TMOD1: variants seen among roughly 807,000 people sequenced by gnomAD.
TMOD1 encodes tropomodulin 1.
A neutral mutation model predicts 40.6 loss-of-function variants in TMOD1; 17 were observed. The ratio of observed to expected loss-of-function variants is 0.42; its 90% confidence interval spans 0.29 to 0.63. The LOEUF is 0.63. Ranked by LOEUF, TMOD1 falls within the 20% of genes least tolerant of loss-of-function variation. The probability of loss-of-function intolerance (pLI) is 0.22; values close to 1 mark genes in which losing one functional copy is unlikely to be tolerated. For synonymous variants in TMOD1, 181 were observed against 175.0 expected, an observed-to-expected ratio of 1.03 and a Z score of -0.27; for missense variants, 391 against 447.6, an observed-to-expected ratio of 0.87 and a Z score of 1.14.
At chr9:97,540,269 A>G (rs1413727115) in intron 2 of TMOD1, among the ~76,000 whole-genome samples, 1 of 152,210 alleles carries the variant, frequency 6.6e-6, no homozygotes, top group East Asian at 1.9e-4. Context: ...GTCCCAGATC[A>G]GGGTCTTGAG....
At chr9:97,509,502 T>G (rs192690948) in intron 1 of TMOD1, among the ~76,000 whole-genome samples, 12 of 141,968 alleles carry the variant, frequency 8.5e-5, no homozygotes, top group Admixed American at 8.1e-4. Context: ...TAATAGAGGT[T>G]TTTTTTTTTG....
chr9:97,517,423 T>C (rs762886749), intron 1 of TMOD1, among the ~76,000 whole-genome samples: 4 of 152,080 alleles, frequency 2.6e-5, no homozygotes, highest in Admixed American at 6.5e-5. Context: ...AAGTCTATGC[T>C]GACCCCAAGG....
intron 4 of TMOD1, chr9:97,555,553 C>T (rs559503826): frequency 4.6e-5 from 69 of 1,503,894 alleles, no homozygotes; most frequent in Admixed American, 9.4e-5. Context: ...AATATGCTGC[C>T]GAAGTCTGGG....
chr9:97,573,122 C>T (rs1005938672), intron 8 of TMOD1, among the ~76,000 whole-genome samples: 1 of 152,192 alleles, frequency 6.6e-6, no homozygotes, highest in African/African-American at 2.4e-5. Context: ...ATGGGAGAAA[C>T]CCTGTGGGCC....
chr9:97,580,924 T>C (rs894669524), intron 8 of TMOD1, among the ~76,000 whole-genome samples: 1 of 144,838 alleles, frequency 6.9e-6, no homozygotes, highest in Non-Finnish European at 1.5e-5. Flanking sequence ...TCATATATTA[T>C]GTAACCATTT....
At chr9:97,520,994 A>C (rs1829906578) in intron 1 of TMOD1, among the ~76,000 whole-genome samples, 1 of 152,144 alleles carries the variant, frequency 6.6e-6, no homozygotes, top group Non-Finnish European at 1.5e-5. Context: ...GGCTTTTACT[A>C]TAAAGCATCT....
At chr9:97,546,386 C>A in intron 3 of TMOD1, 45 bp downstream of exon 3, 1 of 1,585,618 alleles carries the variant, frequency 6.3e-7, no homozygotes, top group Non-Finnish European at 8.6e-7. Context: ...CCCCATGCAC[C>A]ATTGAGTGCC....
At chr9:97,518,363 A>C (rs921393218) in intron 1 of TMOD1, among the ~76,000 whole-genome samples, 2 of 152,260 alleles carry the variant, frequency 1.3e-5, no homozygotes, top group Admixed American at 6.5e-5. Flanking sequence ...TCGTCCTCAG[A>C]GCGAGCCAGC....
chr9:97,565,244 C>A (rs1169494452), intron 6 of TMOD1, among the ~76,000 whole-genome samples: 1 of 152,178 alleles, frequency 6.6e-6, no homozygotes, highest in Non-Finnish European at 1.5e-5. Flanking sequence ...GTGGTTTTCA[C>A]CTGAGAAGAT....
At chr9:97,578,321 G>A (rs138420084) in intron 8 of TMOD1, among the ~76,000 whole-genome samples, 3,778 of 152,270 alleles carry the variant, frequency 0.025, 65 homozygotes, top group Non-Finnish European at 0.039. Flanking sequence ...CCAAAGTGCT[G>A]GGATTACAGG....
rs1470426857 is a variant in TMOD1, at chr9:97,502,096, G to T, written c.-49+293G>T. Among the ~76,000 whole-genome samples, 1 of 152,030 alleles carries T rather than the reference G, an allele frequency of 6.6e-6. No individual in the cohort carries two copies. The highest frequency in any genetic ancestry group is 1.5e-5 in the Non-Finnish European group (1 of 67,962). On this transcript the variant is annotated intron_variant, in intron 1 of 9. Coordinates refer to ENST00000259365, the MANE Select transcript of TMOD1 (RefSeq NM_003275.4). This position sits in a 1 kb window ranked among gnomAD's most constrained non-coding sequence, Gnocchi z 6.1. ...GCACCGCGTCTGTGAACGCGAGAAGGACCCGGGGTTCTGGAGGAGACGGCG... is the reference window on the plus strand; with the variant it reads ...GCACCGCGTCTGTGAACGCGAGAAGTACCCGGGGTTCTGGAGGAGACGGCG...
intron 2 of TMOD1, among the ~76,000 whole-genome samples, chr9:97,540,473 C>G (rs1413431523): frequency 6.6e-6 from 1 of 152,162 alleles, no homozygotes; most frequent in Non-Finnish European, 1.5e-5. Flanking sequence ...TCCTTACAGG[C>G]CCTGTCTCCA....
intron 4 of TMOD1, among the ~76,000 whole-genome samples, chr9:97,558,483 G>A (rs562907827): frequency 3.9e-5 from 6 of 152,208 alleles, no homozygotes; most frequent in African/African-American, 1.4e-4. Flanking sequence ...TCACTCTGTT[G>A]CCCAGGCTGG....
At chr9:97,560,336 C>A (rs1830618005) in intron 4 of TMOD1, among the ~76,000 whole-genome samples, 4 of 151,992 alleles carry the variant, frequency 2.6e-5, no homozygotes. Flanking sequence ...AGGAGGAATC[C>A]AGGAAGACTC....
rs1019709063 is a variant in TMOD1, at chr9:97,601,064, C to T, written c.*1366C>T. The T allele has an allele frequency of 6.9e-6, 9 of 1,304,028 alleles. No individual in the cohort carries two copies. The highest frequency in any genetic ancestry group is 1.5e-5 in the African/African-American group (1 of 65,846). 80.8% of individuals were successfully genotyped at this position (1,304,028 alleles called of 1,614,324 possible). Reference sequence around the variant, plus strand: ...CTGAACTGTAAGGCAGTGGGCAGTACAGGGTAACTGGAGGCGGGGCCAGGG... The same window carrying T: ...CTGAACTGTAAGGCAGTGGGCAGTATAGGGTAACTGGAGGCGGGGCCAGGG... On this transcript the variant is annotated 3_prime_UTR_variant, in exon 10 of 10. Coordinates refer to ENST00000259365, the MANE Select transcript of TMOD1 (RefSeq NM_003275.4).
intron 7 of TMOD1, among the ~76,000 whole-genome samples, chr9:97,566,495 A>AC (rs1211701805): frequency 6.6e-6 from 1 of 151,604 alleles, no homozygotes; most frequent in East Asian, 1.9e-4. Flanking sequence ...ACATGGTGAA[A>AC]CCCCGTCTCT....
chr9:97,539,921 G>A (rs1830248837), intron 2 of TMOD1, among the ~76,000 whole-genome samples: 2 of 132,860 alleles, frequency 1.5e-5, no homozygotes, highest in Admixed American at 8.8e-5. Flanking sequence ...GCAGTGAACC[G>A]AGATCATGCC....
At position 97,536,726 on chromosome 9, in the gene TMOD1, G is replaced by A. The variant is rs73549048; in HGVS notation, c.121-9459G>A. On this transcript the variant is annotated intron_variant, in intron 2 of 9. Transcript: ENST00000259365. The stretch of plus-strand genomic sequence containing the variant: ...TTCAAGTGAGGCCCCTCCCTTCCCC[G>A]GCCCTTGGCTTCTTCCAATCCCTGA... Among the ~76,000 whole-genome samples, 1,009 of 152,126 alleles carry A rather than the reference G, an allele frequency of 6.6e-3. 11 individuals are homozygous for A. The highest frequency in any genetic ancestry group is 0.022 in the African/African-American group (932 of 41,494).
At chr9:97,560,884 A>G (rs906851582) in intron 4 of TMOD1, among the ~76,000 whole-genome samples, 6 of 152,048 alleles carry the variant, frequency 3.9e-5, no homozygotes, top group Non-Finnish European at 8.8e-5. Flanking sequence ...TTTGTTGTTT[A>G]TCTAAAATTC....
Sources: gnomAD v4.1 joint callset for allele counts (sites outside exome capture counted in the v4.1 genomes callset) on GRCh38, gnomAD v4.1.1 for gene constraint, Gnocchi (gnomAD v3.1) non-coding constraint, MANE v1.5 for transcripts, NCBI Gene and HGNC (gene_info 2026-07-23, HGNC 2026-07-21) for gene names.